Variants in WWOX observed in about 807,000 individuals in gnomAD.
The protein encoded by WWOX is WW domain-containing oxidoreductase.
In WWOX, 69 loss-of-function variants were observed where a neutral mutation model predicts 46.2. The observed-to-expected ratio is 1.49, with a 90% CI of 1.23 to 1.82. The LOEUF is 1.82. WWOX is among the 40% of genes most tolerant of loss of function. The pLI is 0.00. For synonymous variants in WWOX, 359 were observed against 202.6 expected, an observed-to-expected ratio of 1.77 and a Z score of -6.56; for missense variants, 919 against 542.6, an observed-to-expected ratio of 1.69 and a Z score of -6.89.
chr16:78,566,747 C>T (rs539318093), intron 8 of WWOX, among the ~76,000 whole-genome samples: 5 of 152,222 alleles, frequency 3.3e-5, no homozygotes, highest in African/African-American at 4.8e-5. Flanking sequence ...TCCTAGAATT[C>T]CTGCCAGAAA....
intron 8 of WWOX, among the ~76,000 whole-genome samples, chr16:78,757,196 T>C (rs953627324): frequency 2.0e-5 from 3 of 152,204 alleles, no homozygotes; most frequent in Non-Finnish European, 4.4e-5. Flanking sequence ...AGTTAATTAT[T>C]GTTTCAGCCC....
In WWOX at chr16:78,783,513, A is replaced by C. The variant is rs529922358; in HGVS notation, c.1056+350761A>C. ...CTTTGTACCAAAGCAAGGGCCTCTG[A>C]ATGAGAGCTGGGAGAGGCCAGAATG... On this transcript the variant is annotated intron_variant, in intron 8 of 8. Coordinates refer to ENST00000566780, the MANE Select transcript of WWOX (RefSeq NM_016373.4). Among the ~76,000 whole-genome samples, 14 of 152,334 alleles carry C rather than the reference A, an allele frequency of 9.2e-5. No individual in the cohort carries two copies. The East Asian group carries it at 2.7e-3, about 29-fold the overall frequency.
At chr16:78,742,984 C>T (rs115487848) in intron 8 of WWOX, among the ~76,000 whole-genome samples, 1,671 of 152,090 alleles carry the variant, frequency 0.011, 35 homozygotes, top group African/African-American at 0.038. Context: ...GTCTCCCAAG[C>T]ACAGTACCCC....
chr16:79,049,248 T>C (rs1460666679), intron 8 of WWOX, among the ~76,000 whole-genome samples: 1 of 152,208 alleles, frequency 6.6e-6, no homozygotes, highest in Non-Finnish European at 1.5e-5. Flanking sequence ...AATTAAACTT[T>C]ATTTACAAAA....
intron 5 of WWOX, among the ~76,000 whole-genome samples, chr16:78,304,603 T>G (rs1054560811): frequency 3.3e-5 from 5 of 152,218 alleles, no homozygotes; most frequent in Admixed American, 3.3e-4. Context: ...TATAAAGAGA[T>G]ATATACGCGT....
chr16:79,195,121 A>G (rs1597464339), intron 8 of WWOX, among the ~76,000 whole-genome samples: 1 of 152,190 alleles, frequency 6.6e-6, no homozygotes, highest in East Asian at 1.9e-4. Flanking sequence ...AGGAGAAAAC[A>G]GAGGCTCAGA....
chr16:78,485,094 G>A (rs771862566), intron 8 of WWOX, among the ~76,000 whole-genome samples: 5 of 152,016 alleles, frequency 3.3e-5, no homozygotes, highest in Admixed American at 6.6e-5. Flanking sequence ...TTCCCAGCCG[G>A]AAAGGAAACA....
intron 8 of WWOX, among the ~76,000 whole-genome samples, chr16:78,691,045 C>T (rs2047975096): frequency 2.0e-5 from 3 of 152,198 alleles, no homozygotes; most frequent in South Asian, 2.1e-4. Flanking sequence ...TACATCTTCA[C>T]TAATGAGTTC....
chr16:78,721,379 A>T (rs2048685352), intron 8 of WWOX, among the ~76,000 whole-genome samples: 1 of 152,204 alleles, frequency 6.6e-6, no homozygotes, highest in African/African-American at 2.4e-5. Context: ...TGTATTTAAA[A>T]ATCTGTGTAG....
intron 8 of WWOX, among the ~76,000 whole-genome samples, chr16:78,730,538 A>G (rs2048944212): frequency 6.6e-6 from 1 of 151,740 alleles, no homozygotes; most frequent in Non-Finnish European, 1.5e-5. Flanking sequence ...TGCAGCCTCA[A>G]CCGCCTGGTC....
chr16:78,151,399 C>G (rs960320211), intron 4 of WWOX, among the ~76,000 whole-genome samples: 1 of 152,044 alleles, frequency 6.6e-6, no homozygotes, highest in African/African-American at 2.4e-5. Context: ...CATTGGGGAT[C>G]AGTGGTTTTT....
intron 8 of WWOX, among the ~76,000 whole-genome samples, chr16:78,952,515 T>G (rs905884609): frequency 2.6e-5 from 4 of 151,940 alleles, no homozygotes; most frequent in Admixed American, 2.6e-4. Context: ...CCTGAGTAGC[T>G]GGGATTACAG....
At chr16:78,909,272 G>C (rs1376211697) in intron 8 of WWOX, among the ~76,000 whole-genome samples, 1 of 152,098 alleles carries the variant, frequency 6.6e-6, no homozygotes, top group African/African-American at 2.4e-5. Context: ...TCAACATTAA[G>C]AGACAGGCAC....
chr16:78,856,574 C>T (rs960578372), intron 8 of WWOX, among the ~76,000 whole-genome samples: 13 of 152,096 alleles, frequency 8.5e-5, no homozygotes, highest in Admixed American at 4.6e-4. Context: ...ACCCAGGAGG[C>T]AGAGATTGCA....
chr16:78,671,499 A>G (rs987803365), intron 8 of WWOX, among the ~76,000 whole-genome samples: 2 of 152,178 alleles, frequency 1.3e-5, no homozygotes, highest in Non-Finnish European at 1.5e-5. Flanking sequence ...GGAAACCAGT[A>G]TAGATAACTT....
At chr16:78,722,624 A>G (rs1300868570) in intron 8 of WWOX, among the ~76,000 whole-genome samples, 1 of 151,590 alleles carries the variant, frequency 6.6e-6, no homozygotes, top group Admixed American at 6.6e-5. Flanking sequence ...CCTGGTAGGT[A>G]TAATGGAAAG....
chr16:78,372,959 T>C (rs1017411113), intron 5 of WWOX, among the ~76,000 whole-genome samples: 1 of 152,226 alleles, frequency 6.6e-6, no homozygotes, highest in African/African-American at 2.4e-5. Flanking sequence ...GGCTGAATTA[T>C]TTGAATTCAT....
chr16:79,212,021 T>C lies in WWOX; in HGVS notation c.*225T>C, dbSNP rs1459556360. 2.0e-6 allele frequency: 3 copies of C among 1,536,262 alleles called. No homozygotes were observed. Among genetic ancestry groups the C allele is most frequent in the East Asian group, 4.9e-5 (2 of 40,922 alleles). ...GGGCTGGGCTAGGCATAGGTCTCTT[T>C]GCTTTCTGGTGGTGGCCTGTTTGAA... On this transcript the variant is annotated 3_prime_UTR_variant, in exon 9 of 9. Transcript: ENST00000566780.
At chr16:78,898,910 T>A (rs976060419) in intron 8 of WWOX, 3 of 152,176 alleles carry the variant, frequency 2.0e-5, no homozygotes, top group African/African-American at 7.2e-5. Context: ...TTTTTCCAAC[T>A]GTTTGTTTCT....
Sources: allele counts gnomAD v4.1 joint callset (sites outside exome capture counted in the v4.1 genomes callset), GRCh38; gene constraint gnomAD v4.1.1; transcripts MANE v1.5; gene names NCBI Gene and HGNC (gene_info 2026-07-23, HGNC 2026-07-21).